Variants in DCDC2C observed in about 807,000 individuals in gnomAD.
DCDC2C encodes doublecortin domain containing 2C, also known as doublecortin domain-containing protein 2C.
Under a neutral mutation model 45.0 loss-of-function variants are expected in DCDC2C, and 44 were observed. The ratio of observed to expected loss-of-function variants is 0.98; its 90% CI spans 0.77 to 1.26. The LOEUF is 1.26. DCDC2C is among the 50% of genes most tolerant of loss of function. The probability of loss-of-function intolerance (pLI) is 0.00; values close to 1 mark genes in which losing one functional copy is unlikely to be tolerated. For synonymous variants in DCDC2C, 187 were observed against 178.8 expected (o/e 1.05, Z -0.37); for missense variants, 447 against 468.9 (o/e 0.95, Z 0.43).
At chr2:3,771,216 G>A (rs184775885) in intron 8 of DCDC2C, among the ~76,000 whole-genome samples, 1 of 152,338 alleles carries the variant, frequency 6.6e-6, no homozygotes, top group African/African-American at 2.4e-5. Flanking sequence ...TGAGTGCCAG[G>A]AGGACCCTTC....
At chr2:3,828,357 C>A (rs1336419746) in intron 10 of DCDC2C, among the ~76,000 whole-genome samples, 1 of 152,304 alleles carries the variant, frequency 6.6e-6, no homozygotes, top group East Asian at 1.9e-4. Context: ...AGGGCGGGTG[C>A]CGCTCACCCG....
chr2:3,766,029 T>C (rs1670002721), intron 6 of DCDC2C, among the ~76,000 whole-genome samples: 1 of 152,164 alleles, frequency 6.6e-6, no homozygotes, highest in African/African-American at 2.4e-5. Context: ...TGGTGCCTCC[T>C]GTTTGCCCAG....
intron 10 of DCDC2C, among the ~76,000 whole-genome samples, chr2:3,841,272 C>T (rs1328331934): frequency 6.6e-6 from 1 of 151,712 alleles, no homozygotes; most frequent in Admixed American, 6.6e-5. Flanking sequence ...TGAAAGAAAA[C>T]CAACAGAGCA....
At chr2:3,754,670 T>A (rs1326741337) in intron 6 of DCDC2C, 36 bp downstream of exon 6, 2 of 1,535,498 alleles carry the variant, frequency 1.3e-6, no homozygotes, top group Non-Finnish European at 1.8e-6. Flanking sequence ...GTAACTTGTT[T>A]CTGATTCTGG....
At chr2:3,711,475 A>G (rs1302683170) in intron 2 of DCDC2C, among the ~76,000 whole-genome samples, 1 of 152,166 alleles carries the variant, frequency 6.6e-6, no homozygotes, top group Non-Finnish European at 1.5e-5. Context: ...AAAAAAGAAT[A>G]AGACCATATT....
At position 3,722,021 on chromosome 2, in the gene DCDC2C, C is replaced by G. The variant is rs541840568; in HGVS notation, c.340-4982C>G. Among the ~76,000 whole-genome samples, 59 of 152,360 alleles carry G rather than the reference C, an allele frequency of 3.9e-4. No individual in the cohort carries two copies. In the South Asian group the frequency reaches 0.011, roughly 29 times the overall value. On this transcript the variant is annotated intron_variant, in intron 2 of 10. Coordinates refer to ENST00000399143, the MANE Select transcript of DCDC2C (RefSeq NM_001287444.2). ...CTAATACACTGTTATCAACTGAATC[C>G]TCATTACAGTCATTTGCTAAGCACT...
intron 10 of DCDC2C, among the ~76,000 whole-genome samples, chr2:3,837,622 A>ATACAGTATCTAG (rs1558249632): frequency 8.0e-6 from 1 of 124,482 alleles, no homozygotes; most frequent in Non-Finnish European, 1.9e-5. Flanking sequence ...GAAACTGAGG[A>ATACAGTATCTAG]AGAAATCAGC....
At chr2:3,781,566 TA>T (rs1670508820) in intron 9 of DCDC2C, among the ~76,000 whole-genome samples, 1 of 152,246 alleles carries the variant, frequency 6.6e-6, no homozygotes, top group African/African-American at 2.4e-5. Flanking sequence ...ACTTTATTTA[TA>T]AATATGTATT....
intron 2 of DCDC2C, among the ~76,000 whole-genome samples, chr2:3,721,062 A>T (rs1668487349): frequency 6.6e-6 from 1 of 152,108 alleles, no homozygotes; most frequent in African/African-American, 2.4e-5. Flanking sequence ...ACATTCTCTT[A>T]TTCTATTAAT....
intron 10 of DCDC2C, among the ~76,000 whole-genome samples, chr2:3,830,033 G>A (rs1192195303): frequency 6.6e-6 from 1 of 152,238 alleles, no homozygotes; most frequent in Non-Finnish European, 1.5e-5. Context: ...TATAGGCTGG[G>A]AGGGCAGCCC....
intron 5 of DCDC2C, among the ~76,000 whole-genome samples, chr2:3,753,420 C>A (rs964336520): frequency 6.6e-6 from 1 of 152,146 alleles, no homozygotes; most frequent in African/African-American, 2.4e-5. Flanking sequence ...GTGAAGGGTG[C>A]TGAGATGGGT....
At chr2:3,765,664 A>G (rs1270817298) in intron 6 of DCDC2C, among the ~76,000 whole-genome samples, 4 of 152,238 alleles carry the variant, frequency 2.6e-5, no homozygotes, top group African/African-American at 9.6e-5. Flanking sequence ...AGCATCTGCT[A>G]TGTGCCAGGC....
intron 6 of DCDC2C, among the ~76,000 whole-genome samples, chr2:3,762,314 G>A (rs1228855705): frequency 6.6e-6 from 1 of 152,190 alleles, no homozygotes; most frequent in African/African-American, 2.4e-5. Flanking sequence ...CACAAGGCAT[G>A]TGGCTGTGGA....
chr2:3,826,648 G>A (rs1216235830), intron 10 of DCDC2C, among the ~76,000 whole-genome samples: 1 of 152,104 alleles, frequency 6.6e-6, no homozygotes, highest in Admixed American at 6.6e-5. Context: ...ATCTTCTGAG[G>A]TTCGAAGGTC....
At chr2:3,842,602 G>A (rs61584289) in intron 10 of DCDC2C, among the ~76,000 whole-genome samples, 1,481 of 146,620 alleles carry the variant, frequency 0.01, 22 homozygotes, top group African/African-American at 0.036. Flanking sequence ...AGCTTTTAAG[G>A]TCCATCAGTG....
At chr2:3,755,269 ATGGATGCATGTGTATG>A (rs1558211075) in intron 6 of DCDC2C, among the ~76,000 whole-genome samples, 1 of 152,028 alleles carries the variant, frequency 6.6e-6, no homozygotes, top group African/African-American at 2.4e-5. Context: ...ACGTGTGTAC[ATGGATGCATGTGTATG>A]TGGATGCATG....
At chr2:3,815,382 G>A (rs1294842311) in intron 10 of DCDC2C, among the ~76,000 whole-genome samples, 2 of 152,196 alleles carry the variant, frequency 1.3e-5, no homozygotes, top group Non-Finnish European at 2.9e-5. Context: ...GTTCTGATGA[G>A]AGAACCTGGA....
At chr2:3,836,192 A>C (rs907417759) in intron 10 of DCDC2C, among the ~76,000 whole-genome samples, 1 of 152,168 alleles carries the variant, frequency 6.6e-6, no homozygotes, top group Non-Finnish European at 1.5e-5. Flanking sequence ...TGATGCAGGC[A>C]CTTTATCTCT....
At chr2:3,727,730 G>T (rs1373397419) in intron 3 of DCDC2C, among the ~76,000 whole-genome samples, 2 of 152,226 alleles carry the variant, frequency 1.3e-5, no homozygotes, top group Non-Finnish European at 1.5e-5. Flanking sequence ...TGACTTGAAC[G>T]AAACGTTGGT....
Sources: gnomAD v4.1 joint callset for allele counts (sites outside exome capture counted in the v4.1 genomes callset) on GRCh38, gnomAD v4.1.1 for gene constraint, MANE v1.5 for transcripts, NCBI Gene and HGNC (gene_info 2026-07-23, HGNC 2026-07-21) for gene names.